GUCY1A2: variants seen among roughly 807,000 people sequenced by gnomAD.
GUCY1A2 encodes the protein guanylate cyclase 1 soluble subunit alpha 2, also known as guanylate cyclase soluble subunit alpha-2.
In GUCY1A2, 27 loss-of-function variants were observed where a neutral mutation model predicts 63.5. The ratio of observed to expected loss-of-function variants is 0.43; its 90% CI spans 0.31 to 0.59. The LOEUF is 0.59. Among genes scored for constraint, GUCY1A2 ranks in the 20% least tolerant of loss-of-function variants. GUCY1A2 has a pLI of 0.11. For synonymous variants in GUCY1A2, 364 were observed against 343.5 expected, an observed-to-expected ratio of 1.06 and a Z score of -0.66; for missense variants, 768 against 913.3, an observed-to-expected ratio of 0.84 and a Z score of 2.05.
chr11:107,002,388 G>GGT (rs71044205), intron 1 of GUCY1A2, among the ~76,000 whole-genome samples: 47,246 of 148,960 alleles, frequency 0.32, 7,884 homozygotes, highest in Middle Eastern at 0.52. Flanking sequence ...AATAAGAACA[G>GGT]GTGTGTGTGT....
chr11:106,840,721 T>C (rs1321954920), intron 4 of GUCY1A2, among the ~76,000 whole-genome samples: 1 of 151,966 alleles, frequency 6.6e-6, no homozygotes, highest in African/African-American at 2.4e-5. Flanking sequence ...TCTATCTTTA[T>C]AAAATTGCTA....
At chr11:106,919,990 A>G (rs1860420689) in intron 4 of GUCY1A2, among the ~76,000 whole-genome samples, 1 of 152,158 alleles carries the variant, frequency 6.6e-6, no homozygotes, top group South Asian at 2.1e-4. Context: ...GCGCTAAACC[A>G]CAGTTCAAAA....
chr11:106,894,242 A>G (rs1399476699), intron 4 of GUCY1A2, among the ~76,000 whole-genome samples: 1 of 152,226 alleles, frequency 6.6e-6, no homozygotes, highest in African/African-American at 2.4e-5. Flanking sequence ...TCAATTTTCC[A>G]GAAAGACATA....
At chr11:106,725,894 C>A (rs1863399636) in intron 6 of GUCY1A2, among the ~76,000 whole-genome samples, 1 of 151,652 alleles carries the variant, frequency 6.6e-6, no homozygotes, top group Non-Finnish European at 1.5e-5. Context: ...CTTTTATATA[C>A]CCATCCACAG....
Position 106,789,500 on chromosome 11 carries a change from G to A in GUCY1A2, c.1693-12918C>T, listed in dbSNP as rs116551029. Among the ~76,000 whole-genome samples the A allele has an allele frequency of 4.7e-3, 717 of 152,150 alleles. 6 individuals carry two copies. Among genetic ancestry groups the A allele is most frequent in the African/African-American group, 0.015 (632 of 41,504 alleles). On this transcript the variant is annotated intron_variant, in intron 5 of 7. Transcript: ENST00000526355. ...GGATTAGTCGCTGGTGCTTTATTTC[G>A]TTCATTTGGTGAAGTCACATTTTCC...
intron 4 of GUCY1A2, among the ~76,000 whole-genome samples, chr11:106,919,850 C>T (rs1244624371): frequency 1.3e-5 from 2 of 152,118 alleles, no homozygotes; most frequent in East Asian, 3.9e-4. Context: ...TTCTTAAAAT[C>T]TGAGCTTACT....
chr11:106,709,667 A>T (rs188894800), intron 6 of GUCY1A2, among the ~76,000 whole-genome samples: 1 of 109,474 alleles, frequency 9.1e-6, no homozygotes, highest in African/African-American at 4.5e-5. Context: ...ATACACGTAT[A>T]GAATATATAG....
intron 1 of GUCY1A2, among the ~76,000 whole-genome samples, chr11:106,997,187 A>T (rs948686835): frequency 6.6e-6 from 1 of 152,194 alleles, no homozygotes; most frequent in Admixed American, 6.6e-5. Flanking sequence ...ATGGGTATGC[A>T]TAGTTTATAT....
chr11:106,933,696 G>A (rs1360146102), intron 4 of GUCY1A2, among the ~76,000 whole-genome samples: 1 of 152,110 alleles, frequency 6.6e-6, no homozygotes, highest in Non-Finnish European at 1.5e-5. Flanking sequence ...ATCAACCCAG[G>A]TGCCCATCAG....
At chr11:106,827,842 C>G in intron 4 of GUCY1A2, 1 of 1,600,446 alleles carries the variant, frequency 6.2e-7, no homozygotes, top group South Asian at 1.1e-5. Context: ...ATGCCGCCGC[C>G]GACCACCATG....
intron 4 of GUCY1A2, among the ~76,000 whole-genome samples, chr11:106,852,113 G>C (rs1000692326): frequency 6.6e-6 from 1 of 151,816 alleles, no homozygotes; most frequent in Non-Finnish European, 1.5e-5. Flanking sequence ...TATTGTAAAT[G>C]GCATAGTTTT....
chr11:106,817,554 T>C (rs1054424917), intron 4 of GUCY1A2, among the ~76,000 whole-genome samples: 2 of 151,962 alleles, frequency 1.3e-5, no homozygotes, highest in Admixed American at 6.6e-5. Flanking sequence ...ACATCAACAG[T>C]GTGAAGAAAC....
At chr11:106,698,138 T>TTTTTTTTTTTTAA in intron 7 of GUCY1A2, among the ~76,000 whole-genome samples, 1 of 145,868 alleles carries the variant, frequency 6.9e-6, no homozygotes, top group East Asian at 1.9e-4. Flanking sequence ...TTTTTTTTTT[T>TTTTTTTTTTTTAA]AGACAGGGTC....
At chr11:106,914,383 G>A (rs1860340257) in intron 4 of GUCY1A2, among the ~76,000 whole-genome samples, 1 of 151,962 alleles carries the variant, frequency 6.6e-6, no homozygotes, top group Admixed American at 6.6e-5. Context: ...TTCAGCTACT[G>A]AATTACTCTG....
chr11:106,796,019 T>C (rs1389543221), intron 5 of GUCY1A2, among the ~76,000 whole-genome samples: 1 of 152,204 alleles, frequency 6.6e-6, no homozygotes, highest in Non-Finnish European at 1.5e-5. Context: ...ATATTTAGGA[T>C]AGTTAGCTCT....
intron 5 of GUCY1A2, among the ~76,000 whole-genome samples, chr11:106,795,504 T>C (rs572123637): frequency 1.3e-4 from 20 of 152,290 alleles, no homozygotes; most frequent in African/African-American, 3.6e-4. Context: ...ATTATCTTAA[T>C]AGACAGCTTT....
chr11:107,013,896 A>C (rs1861782421), intron 1 of GUCY1A2, among the ~76,000 whole-genome samples: 2 of 152,168 alleles, frequency 1.3e-5, no homozygotes, highest in South Asian at 4.1e-4. Flanking sequence ...CCATGAAATC[A>C]AAGACTAGAT....
intron 3 of GUCY1A2, among the ~76,000 whole-genome samples, chr11:106,960,898 A>C (rs1218091846): frequency 1.3e-5 from 2 of 152,138 alleles, no homozygotes; most frequent in Admixed American, 1.3e-4. Context: ...CAGGACACAT[A>C]CCACAATTTC....
chr11:106,779,975 G>A (rs1864430039), intron 5 of GUCY1A2, among the ~76,000 whole-genome samples: 1 of 152,144 alleles, frequency 6.6e-6, no homozygotes. Flanking sequence ...GAGTCCAGGA[G>A]TTCAAGACCA....
Sources: gnomAD v4.1 joint callset for allele counts (sites outside exome capture counted in the v4.1 genomes callset) on GRCh38, gnomAD v4.1.1 for gene constraint, MANE v1.5 for transcripts, NCBI Gene and HGNC (gene_info 2026-07-23, HGNC 2026-07-21) for gene names.